Variants in STAG1 observed in about 807,000 individuals in gnomAD.
The protein encoded by STAG1 is STAG1 cohesin complex component.
In STAG1, 26 loss-of-function variants were observed where a neutral mutation model predicts 170.9. That is an observed-to-expected ratio of 0.15 (90% CI 0.11 to 0.21). STAG1 has a LOEUF of 0.21. Among genes scored for constraint, STAG1 ranks in the 10% least tolerant of loss-of-function variants. STAG1 has a pLI of 1.00. For missense variants in STAG1, 964 were observed against 1,509.5 expected (o/e 0.64, Z 5.99); for synonymous variants, 514 against 497.7 (o/e 1.03, Z -0.44).
At chr3:136,340,879 G>A (rs111477544) in intron 31 of STAG1, among the ~76,000 whole-genome samples, 178 of 152,274 alleles carry the variant, frequency 1.2e-3, no homozygotes, top group African/African-American at 2.5e-3. Flanking sequence ...CTTATTGGTA[G>A]TATTATCCCA....
chr3:136,541,169 A>C (rs1935884032), intron 6 of STAG1, among the ~76,000 whole-genome samples: 1 of 152,080 alleles, frequency 6.6e-6, no homozygotes, highest in Non-Finnish European at 1.5e-5. Flanking sequence ...AATTAATAAT[A>C]ATAAAACCCC....
At chr3:136,399,955 C>CT (rs2087271557) in intron 21 of STAG1, among the ~76,000 whole-genome samples, 1 of 151,974 alleles carries the variant, frequency 6.6e-6, no homozygotes, top group Admixed American at 6.6e-5. Flanking sequence ...CAGGGTCTCA[C>CT]TTTGTCACTC....
intron 14 of STAG1, among the ~76,000 whole-genome samples, chr3:136,446,445 CAG>C (rs2107767170): frequency 6.6e-6 from 1 of 151,964 alleles, no homozygotes; most frequent in African/African-American, 2.4e-5. Context: ...TATTTTTAGA[CAG>C]AGTCTCACTC....
intron 5 of STAG1, among the ~76,000 whole-genome samples, chr3:136,543,528 T>C (rs1035489180): frequency 6.6e-6 from 1 of 152,294 alleles, no homozygotes; most frequent in African/African-American, 2.4e-5. Context: ...GTAGTTGCAG[T>C]GATTACAACA....
intron 1 of STAG1, among the ~76,000 whole-genome samples, chr3:136,730,405 C>T (rs1441717280): frequency 1.3e-5 from 2 of 152,092 alleles, no homozygotes; most frequent in Non-Finnish European, 2.9e-5. Flanking sequence ...ACTTTAGAGT[C>T]ACAAAAACCT....
At chr3:136,751,543 TGA>T (rs1358660180) in intron 1 of STAG1, among the ~76,000 whole-genome samples, 2 of 152,010 alleles carry the variant, frequency 1.3e-5, no homozygotes, top group African/African-American at 4.8e-5. Context: ...CGTCGGGGGC[TGA>T]GAGGGCAGAT....
At chr3:136,701,903 A>T (rs539280262) in intron 1 of STAG1, among the ~76,000 whole-genome samples, 7 of 152,250 alleles carry the variant, frequency 4.6e-5, no homozygotes, top group African/African-American at 1.4e-4. Flanking sequence ...CCAGAGTTTT[A>T]CTGTGCAAGA....
In STAG1 at chr3:136,443,305, G is replaced by A. The variant is rs772909093; in HGVS notation, c.1528C>T (p.Pro510Ser). The change falls in exon 15 of 34, where the codon CCT becomes TCT. Residue 510 changes from proline to serine, a missense_variant. This residue lies in a region of STAG1 where 162 missense variants were observed against 211.2 expected (regional missense o/e 0.77). Transcript: ENST00000383202. ...ACTATACCTTCCTCTCCTTGAACAG[G>A]TTCTTCTAATAGCAACTCTGTCATA... is the stretch of plus-strand genomic sequence containing the variant. ...ECMTELLLEE[P>S]VQGEEAMSDR... 1.9e-6 allele frequency: 3 copies of A among 1,611,870 alleles called. No homozygotes were observed. The highest frequency in any genetic ancestry group is 2.5e-6 in the Non-Finnish European group (3 of 1,178,414).
At chr3:136,453,310 G>A (rs2088999237) in intron 13 of STAG1, among the ~76,000 whole-genome samples, 1 of 152,064 alleles carries the variant, frequency 6.6e-6, no homozygotes. Flanking sequence ...CTGCTAAGTT[G>A]GCCGGGCACG....
rs1428123898 is a variant in STAG1, at chr3:136,698,216, C to T, written c.-84+53979G>A. ...CACAGCAAAATAATCAGCAAACAGG[C>T]AACCTACAGAATGGGAGAAAATATT... On this transcript the variant is annotated intron_variant, in intron 1 of 33. Coordinates refer to ENST00000383202, the MANE Select transcript of STAG1 (RefSeq NM_005862.3). Among the ~76,000 whole-genome samples the T allele has an allele frequency of 2.6e-5, 4 of 152,120 alleles. No homozygotes were observed. In the East Asian group the frequency reaches 5.8e-4, roughly 22 times the overall value.
At chr3:136,392,607 A>G (rs1302091581) in intron 22 of STAG1, among the ~76,000 whole-genome samples, 1 of 152,034 alleles carries the variant, frequency 6.6e-6, no homozygotes, top group African/African-American at 2.4e-5. Context: ...TCTGCTAAAA[A>G]TACAAAAAGT....
At chr3:136,472,361 GA>G in intron 12 of STAG1, 51 bp downstream of exon 12, 5 of 1,352,572 alleles carry the variant, frequency 3.7e-6, no homozygotes, top group Non-Finnish European at 4.2e-6. Context: ...AAATCCTGGG[GA>G]AAAGGTATTA....
chr3:136,385,696 A>C (rs567109394), intron 22 of STAG1, among the ~76,000 whole-genome samples: 1 of 152,102 alleles, frequency 6.6e-6, no homozygotes, highest in Non-Finnish European at 1.5e-5. Flanking sequence ...CTACTAACCA[A>C]GATAAGAGGA....
chr3:136,692,313 C>CAAAAAAA (rs71157399), intron 1 of STAG1, among the ~76,000 whole-genome samples: 3 of 46,236 alleles, frequency 6.5e-5, no homozygotes, highest in African/African-American at 3.0e-4. Flanking sequence ...GACTCCATCT[C>CAAAAAAA]AAAAAAAAAA....
At chr3:136,405,791 CAAAAAAAAAAAAAAAAAAAAAA>C (rs34952291) in intron 21 of STAG1, among the ~76,000 whole-genome samples, 1 of 50,080 alleles carries the variant, frequency 2.0e-5, no homozygotes, top group Non-Finnish European at 3.3e-5. Context: ...ACTCTATCTC[CAAAAAAAAAAAAAAAAAAAAAA>C]AAAAAAAAGG....
intron 1 of STAG1, among the ~76,000 whole-genome samples, chr3:136,640,187 T>A (rs888267223): frequency 6.6e-6 from 1 of 152,186 alleles, no homozygotes; most frequent in African/African-American, 2.4e-5. Context: ...AAATAAAAGA[T>A]AACAAGTTGT....
chr3:136,374,203 C>T (rs1341261214), intron 23 of STAG1, among the ~76,000 whole-genome samples: 1 of 152,064 alleles, frequency 6.6e-6, no homozygotes, highest in Non-Finnish European at 1.5e-5. Flanking sequence ...GGTAGATCTT[C>T]CTCCATCCCT....
chr3:136,655,900 C>A (rs139605443), intron 1 of STAG1, among the ~76,000 whole-genome samples: 8 of 152,130 alleles, frequency 5.3e-5, no homozygotes, highest in Non-Finnish European at 8.8e-5. Flanking sequence ...ACTTACCATA[C>A]AATCCAGCAA....
In STAG1 at chr3:136,631,608, T is replaced by G. The variant is rs762224337; in HGVS notation, c.-83-627A>C. On this transcript the variant is annotated intron_variant, in intron 1 of 33. Coordinates refer to ENST00000383202, the MANE Select transcript of STAG1 (RefSeq NM_005862.3). ...GTTGATCAGCTGATAAAAAATGTTC[T>G]CTCGTGCAGGACGTTGATAGTACGG... 3.9e-4 allele frequency among the ~76,000 whole-genome samples: 59 copies of G among 152,192 alleles called. 1 individual carries two copies. Among genetic ancestry groups the G allele is most frequent in the Admixed American group, 2.8e-3 (43 of 15,278 alleles).
Sources: allele counts gnomAD v4.1 joint callset (sites outside exome capture counted in the v4.1 genomes callset), GRCh38; gene constraint gnomAD v4.1.1; regional missense constraint gnomAD v4.1.1; transcripts MANE v1.5; gene names NCBI Gene and HGNC (gene_info 2026-07-23, HGNC 2026-07-21).